The following LDAH variants were observed in gnomAD, a reference collection of about 807,000 sequenced individuals.
LDAH encodes lipid droplet associated hydrolase.
A neutral mutation model predicts 29.6 loss-of-function variants in LDAH; 26 were observed. The ratio of observed to expected loss-of-function variants is 0.88; its 90% CI spans 0.64 to 1.22. LDAH has a LOEUF of 1.22. Ranked by LOEUF, LDAH falls within the 50% of genes most tolerant of loss-of-function variation. LDAH has a pLI of 0.00. For missense variants in LDAH, 344 were observed against 387.3 expected (o/e 0.89, Z 0.94); for synonymous variants, 117 against 133.0 (o/e 0.88, Z 0.83).
In LDAH at chr2:20,739,990, TA is replaced by T. The variant is rs201467602; in HGVS notation, c.683del (p.Ile228AsnfsTer2). ...NLENEFSPLN[I>X]LEPFCLANAA... ...GCTTACCAAGGCAGAATGGTTCTAATATATTCAATGGTGAAAATTCATTCTC... is the reference window on the plus strand; with the variant it reads ...GCTTACCAAGGCAGAATGGTTCTAATTATTCAATGGTGAAAATTCATTCTC... On this transcript the variant is annotated frameshift_variant, in exon 5 of 7. Coordinates refer to ENST00000237822, the MANE Select transcript of LDAH (RefSeq NM_021925.4). LOFTEE classifies it high-confidence loss of function. The T allele has an allele frequency of 1.5e-4, 240 of 1,613,456 alleles. 2 individuals are homozygous for T. The East Asian group carries it at 5.2e-3, about 35-fold the overall frequency.
At chr2:20,728,785 C>T (rs955842432) in intron 5 of LDAH, among the ~76,000 whole-genome samples, 1 of 151,802 alleles carries the variant, frequency 6.6e-6, no homozygotes, top group Admixed American at 6.6e-5. Context: ...TTTCCTTTAC[C>T]CAAGGTTACA....
intron 1 of LDAH, among the ~76,000 whole-genome samples, chr2:20,808,645 G>A (rs1672253791): frequency 7.0e-6 from 1 of 143,364 alleles, no homozygotes. Flanking sequence ...GCGATAGAGA[G>A]AGACTCCGTC....
At chr2:20,777,579 T>C (rs1156918398) in intron 3 of LDAH, among the ~76,000 whole-genome samples, 2 of 151,794 alleles carry the variant, frequency 1.3e-5, no homozygotes, top group Non-Finnish European at 2.9e-5. Context: ...CCACCAGGCC[T>C]GGTGAATTTT....
chr2:20,701,500 C>G lies in LDAH; in HGVS notation c.786+70G>C. 3.2e-6 allele frequency: 4 copies of G among 1,234,746 alleles called. No homozygotes were observed. The Admixed American group carries it at 6.8e-5, about 21-fold the overall frequency. The allele number at this position is 1,234,746 out of a possible 1,614,324, so 76.5% of individuals were successfully genotyped here. A position where few individuals can be genotyped will look rare whatever the true frequency, so the allele number is the denominator to read the frequency against. On this transcript the variant is annotated intron_variant, in intron 6 of 6. Coordinates refer to ENST00000237822, the MANE Select transcript of LDAH (RefSeq NM_021925.4). The stretch of plus-strand genomic sequence containing the variant: ...AAAGTCTTACAGATTCTAACTAGTT[C>G]TAGTCCTTTGCCCTCGTATCTCTGC...
intron 5 of LDAH, among the ~76,000 whole-genome samples, chr2:20,738,289 T>TAATA (rs1218353046): frequency 6.8e-6 from 1 of 147,674 alleles, no homozygotes. Context: ...ATAATAATAA[T>TAATA]ATATAGATTC....
rs1038076588 is a variant in LDAH, at chr2:20,684,811, C to T, written c.*2092G>A. On this transcript the variant is annotated 3_prime_UTR_variant, in exon 7 of 7. Coordinates refer to ENST00000237822, the MANE Select transcript of LDAH (RefSeq NM_021925.4). The stretch of plus-strand genomic sequence containing the variant: ...AGACCATCCATGTGGTTGACTGGGA[C>T]ATACAGGCAGAGCTGCTTCTGGAAA... The T allele has an allele frequency of 4.0e-6, 6 of 1,495,016 alleles. No individual in the cohort carries two copies. The African/African-American group carries it at 8.4e-5, about 21-fold the overall frequency. 92.6% of individuals were successfully genotyped at this position (1,495,016 alleles called of 1,614,324 possible). A position where few individuals can be genotyped will look rare whatever the true frequency, so the allele number is the denominator to read the frequency against.
rs562766355 is a variant in LDAH at position 20,692,185 on chromosome 2, C to T, written c.787-5091G>A. The stretch of plus-strand genomic sequence containing the variant: ...ATGGTCTCTGCCCTGGAACAGCTCA[C>T]AGACTAGGCGAGAGAACAGACCTAT... On this transcript the variant is annotated intron_variant, in intron 6 of 6. Coordinates refer to ENST00000237822, the MANE Select transcript of LDAH (RefSeq NM_021925.4). Among the ~76,000 whole-genome samples the T allele has an allele frequency of 3.9e-5, 6 of 152,316 alleles. No individual in the cohort carries two copies. The South Asian group carries it at 1.0e-3, about 26-fold the overall frequency.
At chr2:20,804,120 T>C in intron 1 of LDAH, among the ~76,000 whole-genome samples, 1 of 152,188 alleles carries the variant, frequency 6.6e-6, no homozygotes, top group South Asian at 2.1e-4. Context: ...ACAGCTAAGC[T>C]TCACCTGGTA....
chr2:20,719,950 G>T lies in LDAH; in HGVS notation c.704-18298C>A, dbSNP rs527325775. Among the ~76,000 whole-genome samples the T allele has an allele frequency of 2.0e-5, 3 of 152,134 alleles. No homozygotes were observed. The South Asian group carries it at 6.2e-4, about 32-fold the overall frequency. On this transcript the variant is annotated intron_variant, in intron 5 of 6. Transcript: ENST00000237822. ...ATAATAAAAACTCTCAACAAACGGG[G>T]TATAGAAAAAACATACCTCAATACC...
intron 6 of LDAH, among the ~76,000 whole-genome samples, chr2:20,692,691 G>C (rs945809474): frequency 6.6e-6 from 1 of 152,154 alleles, no homozygotes; most frequent in Non-Finnish European, 1.5e-5. Flanking sequence ...GTCAAGTTTG[G>C]TACAAACGAT....
intron 3 of LDAH, among the ~76,000 whole-genome samples, chr2:20,777,095 C>T (rs1669871475): frequency 6.6e-6 from 1 of 152,208 alleles, no homozygotes; most frequent in Admixed American, 6.5e-5. Flanking sequence ...TGATTGTCAT[C>T]ATTTCAATTC....
intron 1 of LDAH, among the ~76,000 whole-genome samples, chr2:20,822,385 C>A (rs1413581871): frequency 2.0e-5 from 3 of 152,256 alleles, no homozygotes; most frequent in African/African-American, 7.2e-5. Context: ...CCTCCTGATC[C>A]GCCCGCCTCG....
chr2:20,717,264 A>AT lies in LDAH; in HGVS notation c.704-15613_704-15612insA, dbSNP rs1665286055. On this transcript the variant is annotated intron_variant, in intron 5 of 6. Coordinates refer to ENST00000237822, the MANE Select transcript of LDAH (RefSeq NM_021925.4). Reference sequence around the variant, plus strand: ...GATTGTTAAATTACATTAAAATTAGAATTTTTTTCCAGCAAAAAGACCATA... The same window carrying AT: ...GATTGTTAAATTACATTAAAATTAGATATTTTTTTCCAGCAAAAAGACCATA... Among the ~76,000 whole-genome samples the AT allele has an allele frequency of 2.0e-5, 3 of 152,304 alleles. 1 individual carries two copies. Among genetic ancestry groups the AT allele is most frequent in the African/African-American group, 7.2e-5 (3 of 41,576 alleles).
intron 6 of LDAH, among the ~76,000 whole-genome samples, 159 bp from the exon 7 acceptor site, chr2:20,687,253 A>G (rs569024939): frequency 6.6e-6 from 1 of 152,308 alleles, no homozygotes; most frequent in Non-Finnish European, 1.5e-5. Context: ...CAAGGCAGCA[A>G]GGCTTCACGA....
intron 6 of LDAH, among the ~76,000 whole-genome samples, chr2:20,694,470 GT>G (rs1481260796): frequency 1.3e-5 from 2 of 152,232 alleles, no homozygotes; most frequent in Non-Finnish European, 2.9e-5. Flanking sequence ...CTGAGCCTCT[GT>G]TTTTAGGGAC....
Position 20,687,098 on chromosome 2 carries a change from A to T in LDAH, c.787-4T>A. The T allele has an allele frequency of 6.2e-7, 1 of 1,600,572 alleles. No homozygotes were observed. Among genetic ancestry groups the T allele is most frequent in the Non-Finnish European group, 8.5e-7 (1 of 1,173,980 alleles). On this transcript the variant is annotated splice_polypyrimidine_tract_variant and splice_region_variant and intron_variant, in intron 6 of 6. Transcript: ENST00000237822. ...TAGTACCATAATAAAATGTAAGCTG[A>T]AAGACAAGACAAAAACCTTTTATTA...
At chr2:20,764,110 T>A (rs1181761950) in intron 4 of LDAH, among the ~76,000 whole-genome samples, 1 of 152,226 alleles carries the variant, frequency 6.6e-6, no homozygotes, top group Non-Finnish European at 1.5e-5. Context: ...ATGGCTGAAG[T>A]TGAAAAGTTG....
At chr2:20,775,037 T>A in intron 3 of LDAH, 58 bp from the exon 4 acceptor site, 1 of 1,434,210 alleles carries the variant, frequency 7.0e-7, no homozygotes, top group Admixed American at 2.1e-5. Flanking sequence ...TGAAAAAAGA[T>A]CAAGAAAAAG....
intron 6 of LDAH, among the ~76,000 whole-genome samples, chr2:20,696,039 C>G (rs1430544676): frequency 6.6e-6 from 1 of 152,082 alleles, no homozygotes; most frequent in Non-Finnish European, 1.5e-5. Flanking sequence ...TTCAAGGTCA[C>G]AATATTGAGA....
Sources: gnomAD v4.1 joint callset for allele counts (sites outside exome capture counted in the v4.1 genomes callset) on GRCh38, gnomAD v4.1.1 for gene constraint, MANE v1.5 for transcripts, NCBI Gene and HGNC (gene_info 2026-07-23, HGNC 2026-07-21) for gene names.